The following MCM3 variants were observed in gnomAD, a reference collection of about 807,000 sequenced individuals.
MCM3 encodes DNA replication licensing factor MCM3.
Under a neutral mutation model 91.3 loss-of-function variants are expected in MCM3, and 59 were observed. That is an observed-to-expected ratio of 0.65 (90% CI 0.52 to 0.80). The LOEUF (loss-of-function observed/expected upper bound fraction) is 0.80, where lower values mean the gene tolerates loss of function less well. Ranked by LOEUF, MCM3 falls within the 30% of genes least tolerant of loss-of-function variation. The probability of loss-of-function intolerance (pLI) is 0.00; values close to 1 mark genes in which losing one functional copy is unlikely to be tolerated. For synonymous variants in MCM3, 383 were observed against 379.6 expected, an observed-to-expected ratio of 1.01 and a Z score of -0.10; for missense variants, 919 against 1,035.4, an observed-to-expected ratio of 0.89 and a Z score of 1.54.
chr6:52,275,125 G>A (rs1003454446), intron 9 of MCM3, among the ~76,000 whole-genome samples: 1 of 152,064 alleles, frequency 6.6e-6, no homozygotes, highest in Non-Finnish European at 1.5e-5. Context: ...CCAAACCTGT[G>A]GAGCCCTTCT....
intron 12 of MCM3, among the ~76,000 whole-genome samples, chr6:52,271,565 C>A (rs938554078): frequency 6.6e-6 from 1 of 152,150 alleles, no homozygotes; most frequent in Non-Finnish European, 1.5e-5. Context: ...TCGCTTGAAC[C>A]AGGGAGGTGG....
At chr6:52,268,936 G>C in intron 13 of MCM3, 150 bp downstream of exon 13, 1 of 789,318 alleles carries the variant, frequency 1.3e-6, no homozygotes, top group Non-Finnish European at 2.0e-6. Flanking sequence ...GTGTTTCAGA[G>C]GAAAGAGTGA....
chr6:52,278,711 C>T (rs1765797480), intron 6 of MCM3, 31 bp downstream of exon 6: 1 of 1,485,156 alleles, frequency 6.7e-7, no homozygotes, highest in Non-Finnish European at 9.4e-7. Context: ...AAATCCATTC[C>T]CACCCTCAAA....
rs905526592 is a variant in MCM3, at chr6:52,272,548, A to G, written c.1677-97T>C. The stretch of plus-strand genomic sequence containing the variant: ...CTCAGAAAAGCCAGGGTCAAAACAA[A>G]GCCTAGAACCCATTATCATAACTCC... On this transcript the variant is annotated intron_variant, in intron 11 of 16. Coordinates refer to ENST00000596288, the MANE Select transcript of MCM3 (RefSeq NM_002388.6). 5.9e-6 allele frequency: 8 copies of G among 1,347,830 alleles called. No individual in the cohort carries two copies. The African/African-American group carries it at 7.3e-5, about 12-fold the overall frequency. 83.5% of individuals were successfully genotyped at this position (1,347,830 alleles called of 1,614,324 possible).
At position 52,284,742 on chromosome 6, in the gene MCM3, C is replaced by G. The variant is rs755927036; in HGVS notation, c.-68G>C. The stretch of plus-strand genomic sequence containing the variant: ...TTCCCAGGATGACTCCACCCCGGCG[C>G]GAAAACTTCCGAACTCTTCCCGCCA... On this transcript the variant is annotated 5_prime_UTR_variant, in exon 1 of 17. Coordinates refer to ENST00000596288, the MANE Select transcript of MCM3 (RefSeq NM_002388.6). 1.3e-6 allele frequency: 2 copies of G among 1,543,766 alleles called. No homozygotes were observed. Among genetic ancestry groups the G allele is most frequent in the East Asian group, 2.4e-5 (1 of 41,222 alleles).
intron 12 of MCM3, among the ~76,000 whole-genome samples, chr6:52,269,969 C>T (rs1237045026): frequency 1.3e-5 from 2 of 152,130 alleles, no homozygotes; most frequent in South Asian, 2.1e-4. Context: ...AGAAAGCTGA[C>T]CTGACAGGTG....
rs544579966 is a variant in MCM3 at position 52,280,220 on chromosome 6, C to G, written c.532-621G>C. ...TAACATGAGCCCTCAAGAGGGACTT[C>G]TGTGTGCTAATATTTCCTCATTTGG... On this transcript the variant is annotated intron_variant, in intron 4 of 16. Transcript: ENST00000596288. Among the ~76,000 whole-genome samples the G allele has an allele frequency of 2.4e-3, 367 of 152,338 alleles. 3 individuals carry two copies. The highest frequency in any genetic ancestry group is 6.5e-3 in the Admixed American group (99 of 15,296).
At chr6:52,280,180 G>A (rs974385171) in intron 4 of MCM3, among the ~76,000 whole-genome samples, 1 of 152,208 alleles carries the variant, frequency 6.6e-6, no homozygotes, top group Non-Finnish European at 1.5e-5. Flanking sequence ...CATCAGGATA[G>A]TGGTTACCCC....
Position 52,276,349 on chromosome 6 carries a change from C to T in MCM3, c.1293G>A (p.Val431=). Residue 431 remains valine (V), a synonymous_variant, in exon 9 of 17, where the codon GTG becomes GTA. Coordinates refer to ENST00000596288, the MANE Select transcript of MCM3 (RefSeq NM_002388.6). ...AIHEVMEQGR[V]TIAKAGIHAR... is the part of the protein sequence containing the mutation. ...CATGGATGCCAGCCTTGGCAATGGT[C>T]ACTCGACCCTGCTCCATCACTTCAT... 2 of 1,613,910 alleles carry T rather than the reference C, an allele frequency of 1.2e-6. No individual in the cohort carries two copies. Among genetic ancestry groups the T allele is most frequent in the Non-Finnish European group, 1.7e-6 (2 of 1,180,030 alleles).
At chr6:52,270,456 T>C (rs1024519155) in intron 12 of MCM3, among the ~76,000 whole-genome samples, 6 of 152,162 alleles carry the variant, frequency 3.9e-5, no homozygotes, top group African/African-American at 1.2e-4. Context: ...TAAATTACCA[T>C]GTATATCCAC....
At position 52,272,409 on chromosome 6, in the gene MCM3, A is replaced by G. The variant is rs752087040; in HGVS notation, c.1719T>C (p.His573=). 2.4e-5 allele frequency: 38 copies of G among 1,614,050 alleles called. No individual in the cohort carries two copies. Among genetic ancestry groups the G allele is most frequent in the Middle Eastern group, 1.6e-4 (1 of 6,084 alleles). ...VSAAFMKKYI[H]VAKIIKPVLT... ...GGACAGGCTTGATGATTTTGGCCAC[A>G]TGGATGTACTTCTTCATGAATGCTG... Residue 573 remains histidine, a synonymous_variant, in exon 12 of 17, where the codon CAT becomes CAC. Coordinates refer to ENST00000596288, the MANE Select transcript of MCM3 (RefSeq NM_002388.6).
rs17240273 is a variant in MCM3, at chr6:52,264,214, G to GA, written c.*373dup. On this transcript the variant is annotated 3_prime_UTR_variant, in exon 17 of 17. Coordinates refer to ENST00000596288, the MANE Select transcript of MCM3 (RefSeq NM_002388.6). ...CTAGTCTAGACCAAAGTGCTCTGGA[G>GA]AAAAAAAACAAAACAAAAAAACAGC... 4,133 of 239,018 alleles carry GA rather than the reference G, an allele frequency of 0.017. 106 individuals are homozygous for GA. The highest frequency in any genetic ancestry group is 0.064 in the African/African-American group (2,814 of 43,700). 14.8% of individuals were successfully genotyped at this position (239,018 alleles called of 1,614,324 possible).
In MCM3 at chr6:52,267,919, T is replaced by A; in HGVS notation, c.2018A>T (p.Glu673Val). The A allele has an allele frequency of 6.5e-7, 1 of 1,527,884 alleles. No homozygotes were observed. The highest frequency in any genetic ancestry group is 1.1e-5 in the South Asian group (1 of 89,062). 94.6% of individuals were successfully genotyped at this position (1,527,884 alleles called of 1,614,324 possible). Residue 673 changes from glutamate to valine, a missense_variant, in exon 14 of 17, where the codon GAG becomes GTG. By Grantham distance (121) the Glu-to-Val change is moderately radical (BLOSUM62 -2). This residue lies in a region of MCM3 where 285 missense variants were observed against 311.4 expected (regional missense o/e 0.92). Coordinates refer to ENST00000596288, the MANE Select transcript of MCM3 (RefSeq NM_002388.6). ...GCTTTTCTCCTCTTCATCTTCTGTC[T>A]CTGATTCATCCTCACTTCGCTTCTT... ...KRKKRSEDES[E>V]TEDEEEKSQE... is the part of the protein sequence containing the mutation.
chr6:52,273,958 A>C, intron 9 of MCM3, 42 bp from the exon 10 acceptor site: 1 of 1,514,230 alleles, frequency 6.6e-7, no homozygotes, highest in Admixed American at 1.8e-5. Context: ...TGACATCAAT[A>C]GGAAGAAAGA....
At chr6:52,264,843 A>G in intron 16 of MCM3, 57 bp from the exon 17 acceptor site, 1 of 1,452,464 alleles carries the variant, frequency 6.9e-7, no homozygotes, top group Admixed American at 1.7e-5. Flanking sequence ...TGCTCTCAGG[A>G]AACAGCTATA....
At chr6:52,269,845 A>T (rs1244449767) in intron 12 of MCM3, among the ~76,000 whole-genome samples, 3 of 152,248 alleles carry the variant, frequency 2.0e-5, no homozygotes, top group Non-Finnish European at 4.4e-5. Flanking sequence ...TTCTTGACCT[A>T]ATCAATCAGA....
chr6:52,264,807 G>A, intron 16 of MCM3, 21 bp from the exon 17 acceptor site: 1 of 1,611,112 alleles, frequency 6.2e-7, no homozygotes, highest in South Asian at 1.1e-5. Flanking sequence ...CAGAAGAAAG[G>A]GGGAAGAGGA....
chr6:52,271,727 A>AT (rs1765148478), intron 12 of MCM3, among the ~76,000 whole-genome samples: 1 of 152,252 alleles, frequency 6.6e-6, no homozygotes, highest in Non-Finnish European at 1.5e-5. Flanking sequence ...AATTGCTTTG[A>AT]ATAACCATCA....
At chr6:52,284,250 G>C (rs1226028003) in intron 1 of MCM3, among the ~76,000 whole-genome samples, 1 of 152,152 alleles carries the variant, frequency 6.6e-6, no homozygotes, top group Non-Finnish European at 1.5e-5. Context: ...ATAGCCCTAG[G>C]GCAGCCCCTC....
Sources: gnomAD v4.1 joint callset for allele counts (sites outside exome capture counted in the v4.1 genomes callset) on GRCh38, gnomAD v4.1.1 for gene constraint, gnomAD v4.1.1 regional missense constraint, MANE v1.5 for transcripts, NCBI Gene and HGNC (gene_info 2026-07-23, HGNC 2026-07-21) for gene names.